The following PEX5L variants were observed in gnomAD, a reference collection of about 807,000 sequenced individuals.
PEX5L encodes PEX5-related protein.
PEX5L carries 30 observed loss-of-function variants against 84.0 expected under a neutral mutation model. The observed-to-expected ratio is 0.36, with a 90% CI of 0.27 to 0.48. PEX5L has a LOEUF of 0.48. Ranked by LOEUF, PEX5L falls within the 20% of genes least tolerant of loss-of-function variation. PEX5L has a pLI of 0.99. For missense variants in PEX5L, 533 were observed against 754.6 expected, an observed-to-expected ratio of 0.71 and a Z score of 3.44; for synonymous variants, 270 against 283.1, an observed-to-expected ratio of 0.95 and a Z score of 0.46.
Position 179,799,795 on chromosome 3 carries a change from C to T in PEX5L, c.*2033G>A, listed in dbSNP as rs1718318980. On this transcript the variant is annotated 3_prime_UTR_variant, in exon 15 of 15. Coordinates refer to ENST00000467460, the MANE Select transcript of PEX5L (RefSeq NM_016559.3). ...GCTGGCCCCAAGAGTCCTTACCAGA[C>T]TGGGTTTCTCGAATTCTACAATTCT... is the stretch of plus-strand genomic sequence containing the variant. The T allele has an allele frequency of 6.6e-6, 1 of 152,216 alleles. No homozygotes were observed. Among genetic ancestry groups the T allele is most frequent in the African/African-American group, 2.4e-5 (1 of 41,442 alleles). The allele number at this position is 152,216 out of a possible 1,614,324, so 9.4% of individuals were successfully genotyped here. A position where few individuals can be genotyped will look rare whatever the true frequency, so the allele number is the denominator to read the frequency against.
rs1273939099 is a variant in PEX5L, at chr3:179,911,823, C to A, written c.94-13577G>T. Among the ~76,000 whole-genome samples, 3 of 151,960 alleles carry A rather than the reference C, an allele frequency of 2.0e-5. No homozygotes were observed. The East Asian group carries it at 5.8e-4, about 29-fold the overall frequency. ...GCTCTAGGATTGACAAATATAGAAC[C>A]ATGTTAGGAAATCTATCCAACCACA... is the stretch of plus-strand genomic sequence containing the variant. On this transcript the variant is annotated intron_variant, in intron 2 of 14. Transcript: ENST00000467460.
chr3:179,974,925 G>A (rs1785571189), intron 1 of PEX5L, among the ~76,000 whole-genome samples: 1 of 152,144 alleles, frequency 6.6e-6, no homozygotes, highest in South Asian at 2.1e-4. Context: ...GGCCAGGTAT[G>A]GTAGCTTAAG....
At chr3:179,965,740 C>T (rs1388956399) in intron 2 of PEX5L, among the ~76,000 whole-genome samples, 1 of 152,098 alleles carries the variant, frequency 6.6e-6, no homozygotes, top group Non-Finnish European at 1.5e-5. Flanking sequence ...AAAATAAACT[C>T]AGCATCGTGA....
chr3:179,807,214 G>T (rs1721649912), intron 14 of PEX5L, among the ~76,000 whole-genome samples: 1 of 152,098 alleles, frequency 6.6e-6, no homozygotes, highest in South Asian at 2.1e-4. Flanking sequence ...AGAAAACCTG[G>T]ACTCTTAGTT....
intron 8 of PEX5L, among the ~76,000 whole-genome samples, chr3:179,851,936 C>T (rs1742059503): frequency 6.6e-6 from 1 of 152,126 alleles, no homozygotes; most frequent in African/African-American, 2.4e-5. Context: ...TTCTGTGCTA[C>T]AAGGGTAATC....
intron 2 of PEX5L, among the ~76,000 whole-genome samples, chr3:179,926,999 TAAG>T (rs1352759736): frequency 2.6e-5 from 4 of 152,262 alleles, no homozygotes; most frequent in African/African-American, 9.6e-5. Context: ...TTGGAATTTT[TAAG>T]CAAATTGTTT....
chr3:179,837,907 C>A (rs950972167), intron 8 of PEX5L, among the ~76,000 whole-genome samples: 1 of 152,180 alleles, frequency 6.6e-6, no homozygotes, highest in African/African-American at 2.4e-5. Context: ...TTCGTGAGAA[C>A]CCTGGCTAAG....
chr3:179,926,409 G>T (rs1195874538), intron 2 of PEX5L, among the ~76,000 whole-genome samples: 1 of 152,108 alleles, frequency 6.6e-6, no homozygotes, highest in Non-Finnish European at 1.5e-5. Flanking sequence ...ACTTACTAAG[G>T]CTTGTTCCAA....
intron 2 of PEX5L, among the ~76,000 whole-genome samples, chr3:179,927,966 T>C (rs1484666246): frequency 6.6e-6 from 1 of 152,344 alleles, no homozygotes; most frequent in East Asian, 1.9e-4. Context: ...GAAGTATATA[T>C]TTCTGGGACT....
chr3:179,854,098 A>G (rs1442950195), intron 8 of PEX5L, among the ~76,000 whole-genome samples: 3 of 139,764 alleles, frequency 2.1e-5, no homozygotes, highest in African/African-American at 7.9e-5. Context: ...ATATGGTGAA[A>G]CCTCACCTCC....
At chr3:179,841,441 C>T (rs1426224268) in intron 8 of PEX5L, among the ~76,000 whole-genome samples, 1 of 152,148 alleles carries the variant, frequency 6.6e-6, no homozygotes, top group Admixed American at 6.5e-5. Context: ...TCTATAGGCA[C>T]TCAGAGGACC....
intron 8 of PEX5L, among the ~76,000 whole-genome samples, chr3:179,827,507 T>C (rs1338407292): frequency 6.6e-6 from 1 of 152,192 alleles, no homozygotes; most frequent in Non-Finnish European, 1.5e-5. Flanking sequence ...GGAACAAAGA[T>C]GAACCATCCT....
intron 2 of PEX5L, among the ~76,000 whole-genome samples, chr3:179,933,308 T>C (rs960364725): frequency 6.6e-6 from 1 of 152,224 alleles, no homozygotes; most frequent in Non-Finnish European, 1.5e-5. Flanking sequence ...ACCTGCTGCG[T>C]AAGTGCTATA....
chr3:179,923,159 C>T (rs887004892), intron 2 of PEX5L, among the ~76,000 whole-genome samples: 13 of 151,712 alleles, frequency 8.6e-5, no homozygotes, highest in South Asian at 2.1e-4. Context: ...GGCTTGGTGG[C>T]GGGCACCTGT....
intron 2 of PEX5L, among the ~76,000 whole-genome samples, chr3:179,916,655 A>C (rs1767217121): frequency 6.7e-6 from 1 of 149,922 alleles, no homozygotes; most frequent in Non-Finnish European, 1.5e-5. Context: ...GTACTTTATA[A>C]GTTTTTAAAT....
At chr3:179,886,415 C>T (rs528216070) in intron 4 of PEX5L, among the ~76,000 whole-genome samples, 7 of 152,152 alleles carry the variant, frequency 4.6e-5, no homozygotes, top group Non-Finnish European at 8.8e-5. Context: ...AAAAAGTCAA[C>T]GCAATTGAAA....
chr3:180,032,832 G>C (rs867801400), intron 1 of PEX5L, among the ~76,000 whole-genome samples: 10 of 152,082 alleles, frequency 6.6e-5, no homozygotes, highest in African/African-American at 2.4e-4. Flanking sequence ...CTAGCCTGGG[G>C]GACAGAGAAA....
rs1445390287 is a variant in PEX5L, at chr3:179,887,728, A to G, written c.255T>C (p.Phe85=). The change falls in exon 4 of 15, where the codon TTT becomes TTC. Residue 85 remains phenylalanine (F), a synonymous_variant. Coordinates refer to ENST00000467460, the MANE Select transcript of PEX5L (RefSeq NM_016559.3). ...RPLLSPSIDD[F]LCETKSEAIA... The stretch of plus-strand genomic sequence containing the variant: ...TTGCTTCCGATTTGGTTTCACAGAG[A>G]AAGTCATCGATGGAGGGACTCAGGA... 6.2e-7 allele frequency: 1 copy of G among 1,614,016 alleles called. No homozygotes were observed. The highest frequency in any genetic ancestry group is 2.2e-5 in the East Asian group (1 of 44,866).
At chr3:179,877,417 T>A (rs1752777164) in intron 5 of PEX5L, among the ~76,000 whole-genome samples, 2 of 152,182 alleles carry the variant, frequency 1.3e-5, no homozygotes, top group Admixed American at 6.5e-5. Flanking sequence ...GAGAAATAAA[T>A]GTTCATCATT....
Sources: allele counts gnomAD v4.1 joint callset (sites outside exome capture counted in the v4.1 genomes callset), GRCh38; gene constraint gnomAD v4.1.1; transcripts MANE v1.5; gene names NCBI Gene and HGNC (gene_info 2026-07-23, HGNC 2026-07-21).